TMEM132B: variants seen among roughly 807,000 people sequenced by gnomAD.
The protein encoded by TMEM132B is transmembrane protein 132B.
A neutral mutation model predicts 90.8 loss-of-function variants in TMEM132B; 18 were observed. The observed-to-expected ratio is 0.20, with a 90% CI of 0.14 to 0.29. The LOEUF (loss-of-function observed/expected upper bound fraction) is 0.29. Among genes scored for constraint, TMEM132B ranks in the 10% least tolerant of loss-of-function variants. TMEM132B has a pLI of 1.00. For synonymous variants in TMEM132B, 504 were observed against 523.3 expected (o/e 0.96, Z 0.50); for missense variants, 1,096 against 1,326.8 (o/e 0.83, Z 2.70).
At chr12:125,512,978 G>A (rs1449352271) in intron 3 of TMEM132B, among the ~76,000 whole-genome samples, 1 of 152,210 alleles carries the variant, frequency 6.6e-6, no homozygotes, top group African/African-American at 2.4e-5. Flanking sequence ...GGAGTGGGAA[G>A]GATGTCAGGA....
rs1331797989 is a variant in TMEM132B, at chr12:125,432,526, TATAG to T, written c.1106+16851_1106+16854del. Among the ~76,000 whole-genome samples, 4 of 58,432 alleles carry T rather than the reference TATAG, an allele frequency of 6.8e-5. 1 individual carries two copies. Among genetic ancestry groups the T allele is most frequent in the Admixed American group, 1.7e-4 (1 of 5,760 alleles). The allele number at this position is 58,432 out of a possible 152,430, so 38.3% of individuals were successfully genotyped here. A position where few individuals can be genotyped will look rare whatever the true frequency, so the allele number is the denominator to read the frequency against. On this transcript the variant is annotated intron_variant, in intron 3 of 8. Transcript: ENST00000682704. ...ATGTGTGTGTGTATATATATATATA[TATAG>T]AGAGAGAGAGAGAGAGAGAGAGAGA... is the stretch of plus-strand genomic sequence containing the variant.
chr12:125,412,826 C>T (rs1458376371), intron 2 of TMEM132B, among the ~76,000 whole-genome samples: 2 of 152,072 alleles, frequency 1.3e-5, no homozygotes, highest in East Asian at 1.9e-4. Flanking sequence ...CAGGATGCCT[C>T]TATTTGTGGT....
chr12:125,201,516 G>A (rs987009750), intron 1 of TMEM132B, among the ~76,000 whole-genome samples: 6 of 152,294 alleles, frequency 3.9e-5, no homozygotes, highest in East Asian at 3.9e-4. Context: ...TCACTGCTTC[G>A]TTATATACTG....
chr12:125,303,246 T>G (rs1384051332), intron 1 of TMEM132B, among the ~76,000 whole-genome samples: 1 of 152,224 alleles, frequency 6.6e-6, no homozygotes, highest in East Asian at 1.9e-4. Context: ...AGTCACACAA[T>G]ATTTGTCCTT....
chr12:125,381,672 G>C (rs1459964386), intron 2 of TMEM132B, among the ~76,000 whole-genome samples: 2 of 150,746 alleles, frequency 1.3e-5, no homozygotes, highest in Non-Finnish European at 3.0e-5. Flanking sequence ...GTCTACTACT[G>C]TGTGTGTGTG....
chr12:125,362,945 C>T (rs950499065), intron 2 of TMEM132B, among the ~76,000 whole-genome samples: 10 of 152,120 alleles, frequency 6.6e-5, no homozygotes, highest in East Asian at 5.8e-4. Flanking sequence ...TGTATCTGCT[C>T]GAAGAGCTCT....
chr12:125,598,842 G>T (rs1231312360), intron 5 of TMEM132B, among the ~76,000 whole-genome samples: 1 of 152,108 alleles, frequency 6.6e-6, no homozygotes, highest in Non-Finnish European at 1.5e-5. Context: ...AATAGAGGGG[G>T]TGTGCTGGTT....
intron 1 of TMEM132B, among the ~76,000 whole-genome samples, chr12:125,193,744 G>A (rs1419448563): frequency 2.6e-5 from 4 of 152,176 alleles, no homozygotes; most frequent in African/African-American, 9.7e-5. Context: ...ATTGAACAGA[G>A]GTATAAATCG....
chr12:125,546,189 CTT>C, intron 4 of TMEM132B, among the ~76,000 whole-genome samples: 1 of 146,402 alleles, frequency 6.8e-6, no homozygotes. Context: ...TCTTTCTTTT[CTT>C]TTTTTTTTTG....
intron 4 of TMEM132B, among the ~76,000 whole-genome samples, chr12:125,564,420 G>A (rs1366254158): frequency 1.3e-5 from 2 of 152,156 alleles, no homozygotes; most frequent in Admixed American, 6.5e-5. Flanking sequence ...CCTCCTTTCA[G>A]CATTTTCTTG....
At chr12:125,235,538 T>C (rs1343547172) in intron 1 of TMEM132B, among the ~76,000 whole-genome samples, 1 of 152,022 alleles carries the variant, frequency 6.6e-6, no homozygotes, top group Non-Finnish European at 1.5e-5. Context: ...TTCACAACGT[T>C]GTGCAACCAC....
Position 125,416,786 on chromosome 12 carries a change from C to T in TMEM132B, c.1106+1109C>T, listed in dbSNP as rs186134756. Among the ~76,000 whole-genome samples the T allele has an allele frequency of 2.6e-4, 40 of 152,304 alleles. No individual in the cohort carries two copies. In the East Asian group the frequency reaches 5.8e-3, roughly 22 times the overall value. On this transcript the variant is annotated intron_variant, in intron 3 of 8. Coordinates refer to ENST00000682704, the MANE Select transcript of TMEM132B (RefSeq NM_001366854.1). ...TGGATGCCTCTTACTCTAAACTCTA[C>T]GTTCCAGTCATCATTCTCTACATCT...
intron 1 of TMEM132B, among the ~76,000 whole-genome samples, chr12:125,320,716 C>T (rs1876406195): frequency 6.6e-6 from 1 of 152,200 alleles, no homozygotes; most frequent in Non-Finnish European, 1.5e-5. Flanking sequence ...CATGAGTCTG[C>T]TCCTGAAACA....
At chr12:125,207,861 C>T (rs1565975333) in intron 1 of TMEM132B, among the ~76,000 whole-genome samples, 1 of 152,184 alleles carries the variant, frequency 6.6e-6, no homozygotes, top group Admixed American at 6.5e-5. Context: ...ATTGTATCTT[C>T]GAGGTTCACT....
chr12:125,244,474 C>T (rs1264078094), intron 1 of TMEM132B, among the ~76,000 whole-genome samples: 2 of 152,198 alleles, frequency 1.3e-5, no homozygotes, highest in Non-Finnish European at 2.9e-5. Flanking sequence ...GGACCCAGGG[C>T]CCAGACCCCG....
In TMEM132B at chr12:125,401,018, G is replaced by A. The variant is rs147536326; in HGVS notation, c.960-14513G>A. ...CTCTAGAGGTTTGGTCCCAATCTCT[G>A]TGCCATGACAAGTGGCACAGGTGAT... On this transcript the variant is annotated intron_variant, in intron 2 of 8. Transcript: ENST00000682704. Among the ~76,000 whole-genome samples, 9 of 152,274 alleles carry A rather than the reference G, an allele frequency of 5.9e-5. No homozygotes were observed. In the South Asian group the frequency reaches 8.3e-4, roughly 14 times the overall value.
chr12:125,418,311 A>C (rs1318366655), intron 3 of TMEM132B, among the ~76,000 whole-genome samples: 1 of 152,142 alleles, frequency 6.6e-6, no homozygotes, highest in Non-Finnish European at 1.5e-5. Context: ...ATATAAGCAG[A>C]GTTACATAAT....
intron 1 of TMEM132B, among the ~76,000 whole-genome samples, chr12:125,270,825 G>A (rs1238843162): frequency 1.3e-5 from 2 of 152,100 alleles, no homozygotes; most frequent in Admixed American, 1.3e-4. Flanking sequence ...GTACTTGGGG[G>A]CTCCACATGT....
At chr12:125,642,024 G>T (rs540122490) in intron 5 of TMEM132B, among the ~76,000 whole-genome samples, 14 of 152,244 alleles carry the variant, frequency 9.2e-5, no homozygotes, top group Admixed American at 2.6e-4. Flanking sequence ...GGGTTGGGGG[G>T]ACTTCCTTCT....
Sources: gnomAD v4.1 joint callset for allele counts (sites outside exome capture counted in the v4.1 genomes callset) on GRCh38, gnomAD v4.1.1 for gene constraint, MANE v1.5 for transcripts, NCBI Gene and HGNC (gene_info 2026-07-23, HGNC 2026-07-21) for gene names.